TRAPPC9: variants seen among roughly 807,000 people sequenced by gnomAD.
TRAPPC9 encodes trafficking protein particle complex subunit 9.
TRAPPC9 carries 83 observed loss-of-function variants against 124.0 expected under a neutral mutation model. That is an observed-to-expected ratio of 0.67 (90% CI 0.56 to 0.80). TRAPPC9 has a LOEUF of 0.80. Ranked by LOEUF, TRAPPC9 falls within the 30% of genes least tolerant of loss-of-function variation. The pLI, the probability that TRAPPC9 is intolerant of heterozygous loss-of-function variation, is 0.00. For synonymous variants in TRAPPC9, 638 were observed against 617.5 expected, an observed-to-expected ratio of 1.03 and a Z score of -0.49; for missense variants, 1,302 against 1,508.3, an observed-to-expected ratio of 0.86 and a Z score of 2.27.
chr8:140,140,380 C>T (rs897235668), intron 17 of TRAPPC9, among the ~76,000 whole-genome samples: 1 of 152,116 alleles, frequency 6.6e-6, no homozygotes, highest in East Asian at 1.9e-4. Flanking sequence ...GAGCAAGAAA[C>T]TTCTGTTTTC....
At chr8:139,772,599 A>T (rs958702563) in intron 21 of TRAPPC9, among the ~76,000 whole-genome samples, 1 of 152,238 alleles carries the variant, frequency 6.6e-6, no homozygotes, top group African/African-American at 2.4e-5. Context: ...TCCCAGGGCC[A>T]CAGCTGAGCC....
chr8:139,786,353 G>C lies in TRAPPC9; in HGVS notation c.3056-54151C>G, dbSNP rs577323910. 4.6e-5 allele frequency among the ~76,000 whole-genome samples: 7 copies of C among 152,160 alleles called. No homozygotes were observed. In the South Asian group the frequency reaches 1.4e-3, roughly 32 times the overall value. The stretch of plus-strand genomic sequence containing the variant: ...GGGAGATGCAAATCAAAACCACAGC[G>C]AGACGCGAATTCACTAATCCGTTAG... On this transcript the variant is annotated intron_variant, in intron 21 of 22. Transcript: ENST00000438773.
Position 140,424,349 on chromosome 8 carries a change from T to TA in TRAPPC9, c.886+2265dup, listed in dbSNP as rs1207453509. ...TACACGAAATGTTTAGAAATTAAAT[T>TA]AAAAAAAAAAAAGATGCCAGGCACA... On this transcript the variant is annotated intron_variant, in intron 5 of 22. Transcript: ENST00000438773. Among the ~76,000 whole-genome samples, 442 of 143,292 alleles carry TA rather than the reference T, an allele frequency of 3.1e-3. 2 individuals are homozygous for TA. Among genetic ancestry groups the TA allele is most frequent in the African/African-American group, 9.6e-3 (375 of 39,198 alleles). The allele number at this position is 143,292 out of a possible 152,430, so 94.0% of individuals were successfully genotyped here.
chr8:139,779,293 A>T (rs1212598476), intron 21 of TRAPPC9, among the ~76,000 whole-genome samples: 2 of 152,182 alleles, frequency 1.3e-5, no homozygotes, highest in Non-Finnish European at 2.9e-5. Flanking sequence ...TGAAACAAAG[A>T]ATTTTTCAGA....
chr8:140,046,377 G>C (rs1351803357), intron 17 of TRAPPC9, among the ~76,000 whole-genome samples: 1 of 152,270 alleles, frequency 6.6e-6, no homozygotes, highest in East Asian at 1.9e-4. Context: ...GCAGGAAAGA[G>C]AGCTGGATGG....
At chr8:140,365,641 T>C (rs2068087390) in intron 8 of TRAPPC9, among the ~76,000 whole-genome samples, 1 of 152,238 alleles carries the variant, frequency 6.6e-6, no homozygotes, top group African/African-American at 2.4e-5. Flanking sequence ...AGGCTGCAAC[T>C]GCACGGCGAC....
rs1316524208 is a variant in TRAPPC9 at position 139,984,678 on chromosome 8, AG to A, written c.2810+4047del. 3.3e-5 allele frequency among the ~76,000 whole-genome samples: 5 copies of A among 152,148 alleles called. No homozygotes were observed. ...ACTGCTCTGCACAACCCCTCCACGG[AG>A]GCCGAGTGTGCATCTGACCCACAGG... On this transcript the variant is annotated intron_variant, in intron 19 of 22. Coordinates refer to ENST00000438773, the MANE Select transcript of TRAPPC9 (RefSeq NM_001160372.4). This position sits in a 1 kb window ranked among gnomAD's most constrained non-coding sequence, Gnocchi z 4.3.
At chr8:140,140,814 T>C (rs1252236416) in intron 17 of TRAPPC9, among the ~76,000 whole-genome samples, 2 of 152,130 alleles carry the variant, frequency 1.3e-5, no homozygotes. Flanking sequence ...CTTTCCAGGC[T>C]CAACTTCCAC....
chr8:140,242,315 G>C (rs1053756355), intron 16 of TRAPPC9, among the ~76,000 whole-genome samples: 1 of 152,222 alleles, frequency 6.6e-6, no homozygotes, highest in Non-Finnish European at 1.5e-5. Context: ...TGAAGGCTCA[G>C]ATAAAACGTG....
At chr8:140,129,299 G>A (rs191059403) in intron 17 of TRAPPC9, among the ~76,000 whole-genome samples, 9 of 152,198 alleles carry the variant, frequency 5.9e-5, no homozygotes, top group African/African-American at 1.7e-4. Flanking sequence ...AGGCGGCACC[G>A]ACTGAGGAGG....
At chr8:140,107,460 CTAAG>C (rs1439949903) in intron 17 of TRAPPC9, among the ~76,000 whole-genome samples, 1 of 152,184 alleles carries the variant, frequency 6.6e-6, no homozygotes, top group Non-Finnish European at 1.5e-5. Context: ...AAAGATAAAA[CTAAG>C]TAACTGGAGA....
intron 5 of TRAPPC9, among the ~76,000 whole-genome samples, chr8:140,418,978 C>A (rs1249803480): frequency 6.6e-6 from 1 of 152,200 alleles, no homozygotes; most frequent in Non-Finnish European, 1.5e-5. Flanking sequence ...ATAAATTCAA[C>A]ACCCTTTCGT....
At chr8:140,261,385 A>G (rs956049302) in intron 15 of TRAPPC9, among the ~76,000 whole-genome samples, 1 of 152,184 alleles carries the variant, frequency 6.6e-6, no homozygotes, top group African/African-American at 2.4e-5. Context: ...AAGAAATGGT[A>G]TCGGGGCTAC....
At chr8:140,081,145 G>A (rs759390906) in intron 17 of TRAPPC9, among the ~76,000 whole-genome samples, 4 of 152,116 alleles carry the variant, frequency 2.6e-5, no homozygotes, top group Non-Finnish European at 4.4e-5. Flanking sequence ...GTCTGCAGCT[G>A]AGAAGCCTGC....
intron 14 of TRAPPC9, among the ~76,000 whole-genome samples, chr8:140,276,976 G>A (rs75669138): frequency 0.013 from 1,920 of 152,108 alleles, 43 homozygotes; most frequent in African/African-American, 0.044. Context: ...TCAACTAAGC[G>A]GACTGTGGAC....
intron 17 of TRAPPC9, among the ~76,000 whole-genome samples, chr8:140,064,579 G>C (rs1302405824): frequency 6.6e-6 from 1 of 152,156 alleles, no homozygotes; most frequent in African/African-American, 2.4e-5. Flanking sequence ...GAATTAGAGA[G>C]GTAACAAAGC....
chr8:140,280,231 TG>T (rs1279821944), intron 14 of TRAPPC9, among the ~76,000 whole-genome samples: 1 of 152,196 alleles, frequency 6.6e-6, no homozygotes, highest in Non-Finnish European at 1.5e-5. Context: ...CTAATGTGCT[TG>T]GAAGCGTCCA....
chr8:140,417,926 C>G lies in TRAPPC9; in HGVS notation c.886+8689G>C, dbSNP rs563021985. Among the ~76,000 whole-genome samples, 6 of 152,246 alleles carry G rather than the reference C, an allele frequency of 3.9e-5. No individual in the cohort carries two copies. The South Asian group carries it at 1.2e-3, about 32-fold the overall frequency. Reference sequence around the variant, plus strand: ...GTCCTTTGCAGGGACATGGATGCAGCTAGAAACCATCATTCTCAGCAAACT... The same window carrying G: ...GTCCTTTGCAGGGACATGGATGCAGGTAGAAACCATCATTCTCAGCAAACT... On this transcript the variant is annotated intron_variant, in intron 5 of 22. Coordinates refer to ENST00000438773, the MANE Select transcript of TRAPPC9 (RefSeq NM_001160372.4).
intron 7 of TRAPPC9, among the ~76,000 whole-genome samples, chr8:140,390,537 A>T (rs2068896617): frequency 6.6e-6 from 1 of 151,918 alleles, no homozygotes; most frequent in Non-Finnish European, 1.5e-5. Flanking sequence ...TCCTCACTTT[A>T]TTGGGCTTCA....
Sources: allele counts gnomAD v4.1 joint callset (sites outside exome capture counted in the v4.1 genomes callset), GRCh38; gene constraint gnomAD v4.1.1; non-coding constraint Gnocchi (gnomAD v3.1); transcripts MANE v1.5; gene names NCBI Gene and HGNC (gene_info 2026-07-23, HGNC 2026-07-21).